TOMM20L: variants seen among roughly 807,000 people sequenced by gnomAD.
TOMM20L encodes the protein translocase of outer mitochondrial membrane 20 like, also known as TOMM20-like protein 1.
TOMM20L carries 19 observed loss-of-function variants against 20.4 expected under a neutral mutation model. That is an observed-to-expected ratio of 0.93 (90% CI 0.65 to 1.36). The LOEUF is 1.36. Among genes scored for constraint, TOMM20L ranks in the 40% most tolerant of loss-of-function variants. The pLI, the probability that TOMM20L is intolerant of heterozygous loss-of-function variation, is 0.00. For missense variants in TOMM20L, 218 were observed against 203.7 expected (o/e 1.07, Z -0.43); for synonymous variants, 75 against 79.6 (o/e 0.94, Z 0.30).
chr14:58,404,099 G>GTGTGTGTATGTATATATATATATATA, intron 3 of TOMM20L, among the ~76,000 whole-genome samples: 1 of 22,944 alleles, frequency 4.4e-5, no homozygotes, highest in East Asian at 2.4e-3. Context: ...ACATATATAT[G>GTGTGTGTATGTATATATATATATATA]TATATATATA....
chr14:58,415,436 A>G, the TOMM20L span, among the ~76,000 whole-genome samples: 15 of 152,244 alleles, frequency 9.9e-5, no homozygotes, highest in Non-Finnish European at 1.9e-4. Flanking sequence ...TTTAAATAGC[A>G]CCTTGTAAAT....
intron 3 of TOMM20L, among the ~76,000 whole-genome samples, chr14:58,403,241 C>T (rs143910585): frequency 1.3e-5 from 2 of 152,230 alleles, no homozygotes; most frequent in African/African-American, 4.8e-5. Flanking sequence ...GCCTGTAGTC[C>T]CAGCTACTCA....
downstream of TOMM20L, among the ~76,000 whole-genome samples, chr14:58,413,445 C>T (rs990550110): frequency 2.0e-5 from 3 of 152,174 alleles, no homozygotes; most frequent in African/African-American, 4.8e-5. Context: ...AAGAAAGTTA[C>T]AGGAATTATA....
intron 2 of TOMM20L, among the ~76,000 whole-genome samples, chr14:58,397,591 G>C (rs1259148497): frequency 2.6e-5 from 4 of 152,232 alleles, no homozygotes; most frequent in Non-Finnish European, 4.4e-5. Flanking sequence ...GAGGATACAG[G>C]ATGGAGGGAA....
intron 2 of TOMM20L, among the ~76,000 whole-genome samples, chr14:58,401,641 A>G (rs1263026836): frequency 2.0e-5 from 3 of 152,140 alleles, no homozygotes; most frequent in Admixed American, 1.3e-4. Flanking sequence ...GGGGAAAACA[A>G]AAACAAAAAC....
chr14:58,406,933 A>T (rs2036067532), intron 3 of TOMM20L, among the ~76,000 whole-genome samples: 1 of 152,208 alleles, frequency 6.6e-6, no homozygotes, highest in East Asian at 1.9e-4. Flanking sequence ...TAGCTGGAAC[A>T]TCAGATGTTT....
At chr14:58,412,782 T>TCCCAG (rs1392452680), downstream of TOMM20L, among the ~76,000 whole-genome samples, 1 of 152,052 alleles carries the variant, frequency 6.6e-6, no homozygotes, top group East Asian at 1.9e-4. Context: ...GTGCCTGTGG[T>TCCCAG]CCCAGCTACT....
At chr14:58,397,413 A>G (rs951100749) in intron 2 of TOMM20L, among the ~76,000 whole-genome samples, 4 of 152,208 alleles carry the variant, frequency 2.6e-5, no homozygotes, top group African/African-American at 9.7e-5. Context: ...GAGGAAATAG[A>G]TTCTACCTCT....
rs374366826 is a variant in TOMM20L at position 58,403,113 on chromosome 14, T to C, written c.262+352T>C. ...GGCTCATACCTGTAATCCCAACACT[T>C]TGGGAGGCCAAGGCAAGAGGATTGC... On this transcript the variant is annotated intron_variant, in intron 3 of 4. Coordinates refer to ENST00000360945, the MANE Select transcript of TOMM20L (RefSeq NM_207377.3). Among the ~76,000 whole-genome samples, 4 of 152,328 alleles carry C rather than the reference T, an allele frequency of 2.6e-5. 1 individual carries two copies.
chr14:58,396,404 T>C lies in TOMM20L; in HGVS notation c.180+63T>C, dbSNP rs372366428. The C allele has an allele frequency of 6.3e-6, 10 of 1,589,868 alleles. No homozygotes were observed. In the African/African-American group the frequency reaches 1.1e-4, roughly 17 times the overall value. ...CGCAGGTCCGGGCTCGCTGGGTTGC[T>C]TGGCTCCTGGCGGGCTCGGCAGCAG... On this transcript the variant is annotated intron_variant, in intron 2 of 4. Transcript: ENST00000360945.
At position 58,402,725 on chromosome 14, in the gene TOMM20L, C is replaced by A; in HGVS notation, c.226C>A (p.Gln76Lys). The A allele has an allele frequency of 1.2e-6, 2 of 1,613,722 alleles. No homozygotes were observed. Among genetic ancestry groups the A allele is most frequent in the African/African-American group, 1.3e-5 (1 of 75,014 alleles). Reference protein sequence around the residue: ...KNKKLQELFLQEVRMGELWLS... With the variant: ...KNKKLQELFLKEVRMGELWLS... ...TAAAAAGTTGCAAGAACTTTTCTTG[C>A]AAGAGGTACGGATGGGAGAACTTTG... Residue 76 changes from glutamine (Q) to lysine (K), a missense_variant, in exon 3 of 5, where the codon CAA (glutamine) becomes AAA (lysine). Physicochemically the swap from Gln to Lys is moderately conservative, Grantham distance 53 (BLOSUM62 1). Coordinates refer to ENST00000360945, the MANE Select transcript of TOMM20L (RefSeq NM_207377.3).
chr14:58,414,749 A>AAG, the TOMM20L span, among the ~76,000 whole-genome samples: 1 of 151,472 alleles, frequency 6.6e-6, no homozygotes, highest in Admixed American at 6.6e-5. Context: ...AAAAAAAAAA[A>AAG]AAGAAAAAAA....
chr14:58,398,930 G>A (rs2035958115), intron 2 of TOMM20L: 1 of 151,654 alleles, frequency 6.6e-6, no homozygotes, highest in South Asian at 2.1e-4. Flanking sequence ...CTGTTGCCCA[G>A]GCTGGAGTAC....
At chr14:58,415,896 C>T in the TOMM20L span, among the ~76,000 whole-genome samples, 32 of 151,978 alleles carry the variant, frequency 2.1e-4, no homozygotes, top group African/African-American at 7.3e-4. Flanking sequence ...AAACCTACAT[C>T]GACACATAAT....
Position 58,405,259 on chromosome 14 carries a change from C to T in TOMM20L, c.263-2067C>T, listed in dbSNP as rs145943196. 6.5e-4 allele frequency among the ~76,000 whole-genome samples: 99 copies of T among 152,264 alleles called. 1 individual carries two copies. The highest frequency in any genetic ancestry group is 2.0e-3 in the African/African-American group (83 of 41,556). Reference sequence around the variant, plus strand: ...CTGGGATTACAGGCATGAGCCACCGCGCCCAGCCACCCCTAGTAATTTTGT... The same window carrying T: ...CTGGGATTACAGGCATGAGCCACCGTGCCCAGCCACCCCTAGTAATTTTGT... On this transcript the variant is annotated intron_variant, in intron 3 of 4. Transcript: ENST00000360945.
chr14:58,413,005 CTTATT>C (rs1466347525), downstream of TOMM20L, among the ~76,000 whole-genome samples: 11 of 151,980 alleles, frequency 7.2e-5, no homozygotes, highest in Non-Finnish European at 2.9e-5. Flanking sequence ...CACCAAATTG[CTTATT>C]TTAAATTTTT....
chr14:58,409,307 A>T (rs2036132857), downstream of TOMM20L: 5 of 911,522 alleles, frequency 5.5e-6, no homozygotes, highest in Non-Finnish European at 8.1e-6. Context: ...ATTGGCAGCA[A>T]CTGACCATAG....
chr14:58,412,826 A>C (rs2036264952), downstream of TOMM20L, among the ~76,000 whole-genome samples: 1 of 152,090 alleles, frequency 6.6e-6, no homozygotes, highest in Non-Finnish European at 1.5e-5. Flanking sequence ...GCTTGAACTC[A>C]GGACGTTGAG....
chr14:58,416,189 G>A, the TOMM20L span, among the ~76,000 whole-genome samples: 4 of 151,960 alleles, frequency 2.6e-5, no homozygotes, highest in Admixed American at 1.3e-4. Flanking sequence ...GATCATGTCA[G>A]TGCATTCCAG....
Sources: allele counts gnomAD v4.1 joint callset (sites outside exome capture counted in the v4.1 genomes callset), GRCh38; gene constraint gnomAD v4.1.1; transcripts MANE v1.5; gene names NCBI Gene and HGNC (gene_info 2026-07-23, HGNC 2026-07-21).